The following PCF11 variants were observed in gnomAD, a reference collection of about 807,000 sequenced individuals.
PCF11 encodes the protein pre-mRNA cleavage complex 2 protein Pcf11.
PCF11 carries 19 observed loss-of-function variants against 166.1 expected under a neutral mutation model. The ratio of observed to expected loss-of-function variants is 0.11; its 90% confidence interval spans 0.08 to 0.17. The LOEUF is 0.17. Ranked by LOEUF, PCF11 falls within the 10% of genes least tolerant of loss-of-function variation. The pLI is 1.00. For synonymous variants in PCF11, 663 were observed against 644.1 expected (o/e 1.03, Z -0.44); for missense variants, 1,565 against 1,855.5 (o/e 0.84, Z 2.88).
In PCF11 at chr11:83,167,146, T is replaced by C; in HGVS notation, c.1839T>C (p.His613=). The change falls in exon 6 of 16, where the codon CAT becomes CAC. Residue 613 remains histidine, a synonymous_variant. Transcript: ENST00000298281. The surrounding 1 kb of genome is among the most constrained non-coding windows in gnomAD (Gnocchi z 4.2). The stretch of plus-strand genomic sequence containing the variant: ...TCAGCTTACAACAGGTTGATGAACA[T>C]AGTAAACCTCCTCATCTGAGGCATA... 6.2e-7 allele frequency: 1 copy of C among 1,613,088 alleles called. No individual in the cohort carries two copies. The highest frequency in any genetic ancestry group is 1.7e-4 in the Middle Eastern group (1 of 6,056).
At chr11:83,157,761 A>C in intron 1 of PCF11, 130 bp downstream of exon 1, 1 of 814,856 alleles carries the variant, frequency 1.2e-6, no homozygotes, top group Non-Finnish European at 2.0e-6. Context: ...ACCCCCCTCC[A>C]ACTCAGGCTC....
In PCF11 at chr11:83,177,837, C is replaced by T; in HGVS notation, c.3983+18C>T. The stretch of plus-strand genomic sequence containing the variant: ...TTGAAACAGTATGTAATCTAATTTT[C>T]TTTAAGATAAAGAGGCAGTGACTTT... On this transcript the variant is annotated intron_variant, in intron 11 of 15. Coordinates refer to ENST00000298281, the Ensembl canonical transcript of PCF11. 1 of 1,273,184 alleles carries T rather than the reference C, an allele frequency of 7.9e-7. No individual in the cohort carries two copies. The highest frequency in any genetic ancestry group is 1.1e-6 in the Non-Finnish European group (1 of 910,848). The allele number at this position is 1,273,184 out of a possible 1,614,324, so 78.9% of individuals were successfully genotyped here. A position where few individuals can be genotyped will look rare whatever the true frequency, so the allele number is the denominator to read the frequency against.
At position 83,167,156 on chromosome 11, in the gene PCF11, C is replaced by T; in HGVS notation, c.1849C>T (p.Pro617Ser). ...ACAGGTTGATGAACATAGTAAACCT[C>T]CTCATCTGAGGCATAGGGAGAGCTG... Residue 617 changes from proline to serine, a missense_variant, in exon 6 of 16, where the codon CCT becomes TCT. Around this residue, in one of 12 missense-constraint regions of PCF11, gnomAD observed 468 missense variants for 483.4 expected, o/e 0.97. Coordinates refer to ENST00000298281, the Ensembl canonical transcript of PCF11. The surrounding 1 kb of genome is among the most constrained non-coding windows in gnomAD (Gnocchi z 4.2). 6.2e-7 allele frequency: 1 copy of T among 1,613,316 alleles called. No individual in the cohort carries two copies. The highest frequency in any genetic ancestry group is 2.2e-5 in the East Asian group (1 of 44,860).
At chr11:83,174,301 T>G (rs1860800385) in intron 9 of PCF11, among the ~76,000 whole-genome samples, 1 of 152,202 alleles carries the variant, frequency 6.6e-6, no homozygotes. Context: ...CAGACATATA[T>G]TAGTCATCTG....
chr11:83,164,842 G>A (rs1860390237), intron 4 of PCF11, among the ~76,000 whole-genome samples: 2 of 152,160 alleles, frequency 1.3e-5, no homozygotes, highest in African/African-American at 4.8e-5. Context: ...TAGCTTGAGT[G>A]ACAGATCAAG....
In PCF11 at chr11:83,176,486, C is replaced by A. The variant is rs556408844; in HGVS notation, c.3758-599C>A. On this transcript the variant is annotated intron_variant, in intron 9 of 15. Coordinates refer to ENST00000298281, the Ensembl canonical transcript of PCF11. ...ATTAAGAAAGTGTGGCACATATACA[C>A]CATGGAGTACTTTGCAGCCATAAAA... Among the ~76,000 whole-genome samples, 20 of 152,294 alleles carry A rather than the reference C, an allele frequency of 1.3e-4. No individual in the cohort carries two copies. In the East Asian group the frequency reaches 3.7e-3, roughly 28 times the overall value.
intron 15 of PCF11, chr11:83,184,287 C>T (rs1565164676): frequency 6.2e-6 from 1 of 161,696 alleles, no homozygotes; most frequent in Non-Finnish European, 1.3e-5. Flanking sequence ...TGTCAGAAGA[C>T]TAGTGTTGAG....
chr11:83,171,389 G>GC, intron 8 of PCF11: 1 of 416,490 alleles, frequency 2.4e-6, no homozygotes, highest in Non-Finnish European at 4.7e-6. Context: ...CTCCTAACTA[G>GC]CCCTTGTGAT....
intron 1 of PCF11, 88 bp from the exon 2 acceptor site, chr11:83,161,239 G>A (rs1860241060): frequency 1.0e-6 from 1 of 984,074 alleles, no homozygotes; most frequent in South Asian, 1.6e-5. Context: ...AAAAATAGAG[G>A]TCTGTATTGT....
chr11:83,175,321 C>T (rs1031597158), intron 9 of PCF11, among the ~76,000 whole-genome samples: 11 of 151,946 alleles, frequency 7.2e-5, no homozygotes, highest in African/African-American at 1.9e-4. Context: ...TTAGTAGAGA[C>T]GGGGTTTCAC....
intron 9 of PCF11, among the ~76,000 whole-genome samples, chr11:83,173,097 T>C (rs1278736714): frequency 3.3e-5 from 5 of 152,246 alleles, no homozygotes; most frequent in African/African-American, 1.2e-4. Flanking sequence ...ATCTCTACTA[T>C]GTTACTTTAT....
At chr11:83,171,255 C>T (rs904269367) in intron 8 of PCF11, 1 of 451,948 alleles carries the variant, frequency 2.2e-6, no homozygotes, top group Non-Finnish European at 4.4e-6. Flanking sequence ...GTGGCTATAA[C>T]CATGTGCAAA....
At chr11:83,159,937 T>G (rs865899607) in intron 1 of PCF11, among the ~76,000 whole-genome samples, 3 of 152,192 alleles carry the variant, frequency 2.0e-5, no homozygotes, top group African/African-American at 7.2e-5. Flanking sequence ...AGAGCCTGTT[T>G]ATCTTCATAA....
chr11:83,166,621 C>G (rs777952847), exon 5 of PCF11: 1 of 1,613,644 alleles, frequency 6.2e-7, no homozygotes, highest in Admixed American at 1.7e-5. Context: ...CAGCATTCTA[C>G]AAAGTCAGGC....
rs1861024679 is a variant in PCF11 at position 83,179,843 on chromosome 11, AGGAGGC to A, written c.3984-1158_3984-1153del. Among the ~76,000 whole-genome samples, 8 of 151,128 alleles carry A rather than the reference AGGAGGC, an allele frequency of 5.3e-5. No individual in the cohort carries two copies. In the South Asian group the frequency reaches 1.7e-3, roughly 32 times the overall value. ...GAGGTGGGGAGAATTGCTTGAACCC[AGGAGGC>A]GGAGGCTTTAGTGAGCTGAGATCGG... On this transcript the variant is annotated intron_variant, in intron 11 of 15. Coordinates refer to ENST00000298281, the Ensembl canonical transcript of PCF11.
At chr11:83,169,531 A>ACTC in exon 8 of PCF11, 1 of 1,612,974 alleles carries the variant, frequency 6.2e-7, no homozygotes, top group Non-Finnish European at 8.5e-7. Flanking sequence ...ATTTGAAAGG[A>ACTC]CTCCTGGTCA....
chr11:83,161,935 A>G (rs1860272009), intron 2 of PCF11, among the ~76,000 whole-genome samples: 1 of 152,110 alleles, frequency 6.6e-6, no homozygotes, highest in East Asian at 1.9e-4. Flanking sequence ...CTTTTGTTAC[A>G]TTGTTCAAGG....
At chr11:83,164,042 C>T (rs976959630) in intron 3 of PCF11, among the ~76,000 whole-genome samples, 165 bp from the exon 4 acceptor site, 1 of 150,908 alleles carries the variant, frequency 6.6e-6, no homozygotes, top group Non-Finnish European at 1.5e-5. Flanking sequence ...AATATATTCA[C>T]CTTGTTTAGG....
intron 9 of PCF11, among the ~76,000 whole-genome samples, chr11:83,172,155 G>A (rs992158189): frequency 1.3e-5 from 2 of 152,134 alleles, no homozygotes; most frequent in Non-Finnish European, 2.9e-5. Context: ...ACTAAACAAA[G>A]GGAAGGAAAC....
Sources: allele counts gnomAD v4.1 joint callset (sites outside exome capture counted in the v4.1 genomes callset), GRCh38; gene constraint gnomAD v4.1.1; regional missense constraint gnomAD v4.1.1; non-coding constraint Gnocchi (gnomAD v3.1); transcripts MANE v1.5; gene names NCBI Gene and HGNC (gene_info 2026-07-23, HGNC 2026-07-21).